Variants in KCNIP4 observed in about 807,000 individuals in gnomAD.
KCNIP4 encodes the protein potassium voltage-gated channel interacting protein 4.
In KCNIP4, 12 loss-of-function variants were observed where a neutral mutation model predicts 34.0. The observed-to-expected ratio is 0.35, with a 90% CI of 0.23 to 0.57. The LOEUF is 0.57. Ranked by LOEUF, KCNIP4 falls within the 20% of genes least tolerant of loss-of-function variation. KCNIP4 has a pLI of 0.83. For missense variants in KCNIP4, 238 were observed against 311.7 expected, an observed-to-expected ratio of 0.76 and a Z score of 1.78; for synonymous variants, 124 against 102.2, an observed-to-expected ratio of 1.21 and a Z score of -1.29.
At chr4:21,767,633 T>C (rs1718509712) in intron 1 of KCNIP4, among the ~76,000 whole-genome samples, 1 of 152,140 alleles carries the variant, frequency 6.6e-6, no homozygotes, top group Non-Finnish European at 1.5e-5. Flanking sequence ...CTTACAAGTC[T>C]GTAATGAAAG....
intron 5 of KCNIP4, among the ~76,000 whole-genome samples, chr4:20,740,899 A>G (rs997608154): frequency 1.3e-4 from 20 of 151,760 alleles, no homozygotes; most frequent in African/African-American, 4.9e-4. Flanking sequence ...ATGGAAAACA[A>G]AAAAAAAGCA....
At chr4:21,871,555 C>T (rs1347403243) in intron 1 of KCNIP4, among the ~76,000 whole-genome samples, 1 of 151,840 alleles carries the variant, frequency 6.6e-6, no homozygotes, top group Non-Finnish European at 1.5e-5. Context: ...GAAAACCAAA[C>T]ACCACATGTT....
rs1412388524 is a variant in KCNIP4 at position 21,134,045 on chromosome 4, C to G, written c.62-251336G>C. 3.3e-5 allele frequency among the ~76,000 whole-genome samples: 5 copies of G among 152,212 alleles called. No homozygotes were observed. In the South Asian group the frequency reaches 1.0e-3, roughly 32 times the overall value. On this transcript the variant is annotated intron_variant, in intron 1 of 8. Transcript: ENST00000382152. ...TACAATTCTTTCTTATCTAACCCCC[C>G]AAACCCATAAAATCTAACTTGAGTT...
intron 1 of KCNIP4, among the ~76,000 whole-genome samples, chr4:21,102,776 T>G (rs544688162): frequency 6.6e-6 from 1 of 152,316 alleles, no homozygotes; most frequent in East Asian, 1.9e-4. Context: ...CTTTGTTGGC[T>G]TATAAAGAAC....
chr4:21,011,147 A>G (rs1739031990), intron 1 of KCNIP4, among the ~76,000 whole-genome samples: 1 of 152,248 alleles, frequency 6.6e-6, no homozygotes, highest in African/African-American at 2.4e-5. Context: ...CATTAAAAAC[A>G]TATATAAGTA....
intron 1 of KCNIP4, among the ~76,000 whole-genome samples, chr4:21,914,697 C>T (rs1728531048): frequency 6.6e-6 from 1 of 152,184 alleles, no homozygotes; most frequent in South Asian, 2.1e-4. Flanking sequence ...TTTTAAATCA[C>T]ATACATGTTA....
At chr4:21,849,890 A>G (rs1017417047) in intron 1 of KCNIP4, 2 of 152,030 alleles carry the variant, frequency 1.3e-5, no homozygotes, top group African/African-American at 4.8e-5. Flanking sequence ...CACTACACAA[A>G]TAAGACTTAG....
chr4:21,314,087 C>T (rs1003117386), intron 1 of KCNIP4, among the ~76,000 whole-genome samples: 3 of 152,038 alleles, frequency 2.0e-5, no homozygotes, highest in Admixed American at 6.6e-5. Flanking sequence ...GACTGAGTTC[C>T]CCTGCTTTCT....
intron 1 of KCNIP4, among the ~76,000 whole-genome samples, chr4:21,003,024 G>A (rs1189539904): frequency 6.6e-6 from 1 of 152,034 alleles, no homozygotes; most frequent in Non-Finnish European, 1.5e-5. Context: ...TTTCTAGCTA[G>A]CATCATAATG....
chr4:21,693,437 T>C (rs1711913679), intron 1 of KCNIP4, among the ~76,000 whole-genome samples: 1 of 152,126 alleles, frequency 6.6e-6, no homozygotes, highest in East Asian at 1.9e-4. Context: ...GGAGAGCGCC[T>C]GTAATCCCAG....
intron 1 of KCNIP4, among the ~76,000 whole-genome samples, chr4:21,296,132 A>G (rs1763827410): frequency 6.6e-6 from 1 of 152,170 alleles, no homozygotes; most frequent in African/African-American, 2.4e-5. Context: ...GTTGTTTACC[A>G]TGAAAAAGTT....
intron 1 of KCNIP4, among the ~76,000 whole-genome samples, chr4:21,120,822 G>A (rs1346985993): frequency 6.6e-6 from 1 of 152,086 alleles, no homozygotes; most frequent in Non-Finnish European, 1.5e-5. Context: ...GAAAACACCG[G>A]TCTTACTAAA....
chr4:20,833,313 C>T (rs947846010), intron 3 of KCNIP4, among the ~76,000 whole-genome samples: 4 of 151,988 alleles, frequency 2.6e-5, no homozygotes, highest in African/African-American at 9.7e-5. Context: ...AGTGAAACCC[C>T]GTCTCTACTA....
In KCNIP4 at chr4:21,916,900, G is replaced by A. The variant is rs183280538; in HGVS notation, c.61+31671C>T. The stretch of plus-strand genomic sequence containing the variant: ...CAAGGGAGTCAACTAAATACTGTAA[G>A]TTCTCTTTCTTACATCCTAAATTGT... On this transcript the variant is annotated intron_variant, in intron 1 of 8. Transcript: ENST00000382152. 6.2e-4 allele frequency among the ~76,000 whole-genome samples: 95 copies of A among 152,202 alleles called. 1 individual carries two copies. In the East Asian group the frequency reaches 0.016, roughly 26 times the overall value.
At chr4:21,205,068 A>G (rs1450363408) in intron 1 of KCNIP4, among the ~76,000 whole-genome samples, 14 of 152,238 alleles carry the variant, frequency 9.2e-5, no homozygotes, top group Non-Finnish European at 1.9e-4. Flanking sequence ...TGGAAGTTTC[A>G]ACGAAAAGCT....
intron 1 of KCNIP4, among the ~76,000 whole-genome samples, chr4:21,066,379 A>G (rs1354513658): frequency 2.0e-5 from 3 of 152,180 alleles, no homozygotes; most frequent in Non-Finnish European, 4.4e-5. Context: ...ATACACACAC[A>G]CACAAAAGCA....
At chr4:21,057,071 G>T (rs1432445683) in intron 1 of KCNIP4, among the ~76,000 whole-genome samples, 3 of 152,018 alleles carry the variant, frequency 2.0e-5, no homozygotes, top group Non-Finnish European at 4.4e-5. Flanking sequence ...TTGCCACTGG[G>T]TATCTATGTG....
chr4:20,895,316 C>G (rs1437670390), intron 1 of KCNIP4, among the ~76,000 whole-genome samples: 3 of 152,136 alleles, frequency 2.0e-5, no homozygotes, highest in Non-Finnish European at 4.4e-5. Flanking sequence ...AATGCTACCT[C>G]TAATTCTATT....
intron 1 of KCNIP4, among the ~76,000 whole-genome samples, chr4:21,290,985 A>G (rs1187007845): frequency 1.3e-5 from 2 of 152,208 alleles, no homozygotes; most frequent in Non-Finnish European, 2.9e-5. Flanking sequence ...TTTATAGAAG[A>G]AGTAGAGGCT....
Sources: gnomAD v4.1 joint callset for allele counts (sites outside exome capture counted in the v4.1 genomes callset) on GRCh38, gnomAD v4.1.1 for gene constraint, MANE v1.5 for transcripts, NCBI Gene and HGNC (gene_info 2026-07-23, HGNC 2026-07-21) for gene names.